The following ASTN2 variants were observed in gnomAD, a reference collection of about 807,000 sequenced individuals.
The protein encoded by ASTN2 is astrotactin-2.
In ASTN2, 54 loss-of-function variants were observed where a neutral mutation model predicts 139.8. That is an observed-to-expected ratio of 0.39 (90% CI 0.31 to 0.48). ASTN2 has a LOEUF of 0.48. ASTN2 is among the 20% of genes least tolerant of loss of function. The pLI, the probability that ASTN2 is intolerant of heterozygous loss-of-function variation, is 0.95. For missense variants in ASTN2, 1,565 were observed against 1,725.1 expected, an observed-to-expected ratio of 0.91 and a Z score of 1.64; for synonymous variants, 756 against 719.5, an observed-to-expected ratio of 1.05 and a Z score of -0.81.
intron 4 of ASTN2, among the ~76,000 whole-genome samples, chr9:117,104,383 A>G (rs1027908468): frequency 6.6e-6 from 1 of 152,166 alleles, no homozygotes; most frequent in Non-Finnish European, 1.5e-5. Flanking sequence ...TTGGGTAAAA[A>G]AATATGCAGA....
intron 4 of ASTN2, among the ~76,000 whole-genome samples, chr9:117,101,594 G>C (rs1828979623): frequency 6.6e-6 from 1 of 152,112 alleles, no homozygotes; most frequent in Admixed American, 6.5e-5. Flanking sequence ...ACTGCCCCAG[G>C]TACCTTACAT....
chr9:117,275,220 C>T (rs1834157428), intron 2 of ASTN2, among the ~76,000 whole-genome samples: 1 of 152,172 alleles, frequency 6.6e-6, no homozygotes, highest in African/African-American at 2.4e-5. Flanking sequence ...GCTTTTCCAA[C>T]ATGCACTTCA....
intron 7 of ASTN2, among the ~76,000 whole-genome samples, chr9:117,002,961 AG>A (rs1837234264): frequency 6.6e-6 from 1 of 152,130 alleles, no homozygotes; most frequent in South Asian, 2.1e-4. Context: ...TAGGAGGAAA[AG>A]TGTTTGGGCT....
At chr9:117,242,787 A>G (rs1197578808) in intron 2 of ASTN2, among the ~76,000 whole-genome samples, 4 of 152,204 alleles carry the variant, frequency 2.6e-5, no homozygotes, top group African/African-American at 7.2e-5. Context: ...TGTGGAACCA[A>G]TCAAGTACCC....
chr9:117,367,730 T>A (rs1034431075), intron 1 of ASTN2, among the ~76,000 whole-genome samples: 5 of 152,148 alleles, frequency 3.3e-5, no homozygotes, highest in African/African-American at 7.2e-5. Flanking sequence ...TTAATCAGGT[T>A]TGCAGAGATA....
At position 116,534,059 on chromosome 9, in the gene ASTN2, G is replaced by T. The variant is rs572842882; in HGVS notation, c.3356-46559C>A. 4.6e-5 allele frequency among the ~76,000 whole-genome samples: 7 copies of T among 152,254 alleles called. No individual in the cohort carries two copies. The South Asian group carries it at 1.5e-3, about 32-fold the overall frequency. ...TCAGAGCCTGTTATTGGTCTATTCA[G>T]GGATTCAACTTCTTCCTGGTTTAGT... On this transcript the variant is annotated intron_variant, in intron 19 of 22. Coordinates refer to ENST00000313400, the MANE Select transcript of ASTN2 (RefSeq NM_001365068.1).
At chr9:117,281,920 C>A (rs1238037396) in intron 2 of ASTN2, among the ~76,000 whole-genome samples, 2 of 152,146 alleles carry the variant, frequency 1.3e-5, no homozygotes, top group Non-Finnish European at 2.9e-5. Context: ...ACCCCGATTG[C>A]CCGCCCTTCA....
intron 4 of ASTN2, among the ~76,000 whole-genome samples, chr9:117,100,709 C>T (rs866999806): frequency 8.5e-5 from 13 of 152,148 alleles, no homozygotes; most frequent in Admixed American, 3.3e-4. Flanking sequence ...GAATAAGCCA[C>T]GACCTCCACT....
intron 11 of ASTN2, among the ~76,000 whole-genome samples, chr9:116,839,506 G>C (rs906863347): frequency 6.6e-6 from 1 of 151,944 alleles, no homozygotes; most frequent in Non-Finnish European, 1.5e-5. Context: ...TTGAGACAGA[G>C]TCTCGCTCTG....
At chr9:116,447,760 T>C (rs892200387) in intron 20 of ASTN2, among the ~76,000 whole-genome samples, 4 of 152,192 alleles carry the variant, frequency 2.6e-5, no homozygotes, top group Non-Finnish European at 4.4e-5. Flanking sequence ...ACATGTGATA[T>C]TGTGATATGC....
chr9:117,148,699 CA>C (rs1830257814), intron 3 of ASTN2, among the ~76,000 whole-genome samples: 1 of 152,126 alleles, frequency 6.6e-6, no homozygotes, highest in Non-Finnish European at 1.5e-5. Context: ...GGTATTTGGC[CA>C]AACATTATTC....
In ASTN2 at chr9:117,134,289, TATATATAC is replaced by T. The variant is rs1208290952; in HGVS notation, c.1168+7029_1168+7036del. On this transcript the variant is annotated intron_variant, in intron 4 of 22. Coordinates refer to ENST00000313400, the MANE Select transcript of ASTN2 (RefSeq NM_001365068.1). ...AATTATATATATATATATATATATA[TATATATAC>T]ACACACACACACACACACACACACA... is the stretch of plus-strand genomic sequence containing the variant. Among the ~76,000 whole-genome samples, 274 of 81,372 alleles carry T rather than the reference TATATATAC, an allele frequency of 3.4e-3. 1 individual carries two copies. The highest frequency in any genetic ancestry group is 0.013 in the East Asian group (41 of 3,188). 53.4% of individuals were successfully genotyped at this position (81,372 alleles called of 152,430 possible).
chr9:116,964,269 G>GCC (rs1028997326), intron 10 of ASTN2, among the ~76,000 whole-genome samples: 2 of 151,488 alleles, frequency 1.3e-5, no homozygotes, highest in African/African-American at 4.9e-5. Context: ...GCGCGCGCGC[G>GCC]TGTGTGTTGA....
chr9:117,231,674 A>G (rs1052140480), intron 2 of ASTN2, among the ~76,000 whole-genome samples: 12 of 152,152 alleles, frequency 7.9e-5, no homozygotes, highest in Non-Finnish European at 1.5e-4. Context: ...AAAGGGGAGA[A>G]TAGAGGCAGA....
chr9:116,527,741 G>A (rs907613051), intron 19 of ASTN2, among the ~76,000 whole-genome samples: 1 of 152,096 alleles, frequency 6.6e-6, no homozygotes, highest in Non-Finnish European at 1.5e-5. Context: ...GGAGGTGATT[G>A]GGTCATATGG....
intron 10 of ASTN2, among the ~76,000 whole-genome samples, chr9:116,895,853 G>A (rs915188770): frequency 3.9e-5 from 6 of 152,084 alleles, no homozygotes; most frequent in Non-Finnish European, 8.8e-5. Context: ...TGTGTGTAAG[G>A]ATTATTATTT....
At chr9:117,001,463 T>G (rs1212206616) in intron 7 of ASTN2, among the ~76,000 whole-genome samples, 1 of 152,050 alleles carries the variant, frequency 6.6e-6, no homozygotes, top group Non-Finnish European at 1.5e-5. Context: ...AGAACAGATG[T>G]TCTCAAAGTC....
chr9:116,823,036 A>G (rs1760788545), intron 11 of ASTN2, among the ~76,000 whole-genome samples: 1 of 152,208 alleles, frequency 6.6e-6, no homozygotes, highest in Non-Finnish European at 1.5e-5. Context: ...GGCCACCACA[A>G]CCTGAAAGAG....
intron 10 of ASTN2, among the ~76,000 whole-genome samples, chr9:116,896,225 C>T (rs375715608): frequency 1.3e-5 from 2 of 152,128 alleles, no homozygotes; most frequent in South Asian, 4.1e-4. Flanking sequence ...AAGTGAGGGA[C>T]TGAGAATTGA....
Sources: allele counts gnomAD v4.1 joint callset (sites outside exome capture counted in the v4.1 genomes callset), GRCh38; gene constraint gnomAD v4.1.1; transcripts MANE v1.5; gene names NCBI Gene and HGNC (gene_info 2026-07-23, HGNC 2026-07-21).